RBFOX1: variants seen among roughly 807,000 people sequenced by gnomAD.
RBFOX1 encodes the protein RNA binding protein fox-1 homolog 1.
A neutral mutation model predicts 57.7 loss-of-function variants in RBFOX1; 8 were observed. The ratio of observed to expected loss-of-function variants is 0.14; its 90% CI spans 0.08 to 0.25. The LOEUF (loss-of-function observed/expected upper bound fraction) is 0.25, where lower values mean the gene tolerates loss of function less well. Among genes scored for constraint, RBFOX1 ranks in the 10% least tolerant of loss-of-function variants. The probability of loss-of-function intolerance (pLI) is 1.00; values close to 1 mark genes in which losing one functional copy is unlikely to be tolerated. For missense variants in RBFOX1, 611 were observed against 548.5 expected (o/e 1.11, Z -1.14); for synonymous variants, 326 against 222.4 (o/e 1.47, Z -4.15).
intron 4 of RBFOX1, among the ~76,000 whole-genome samples, chr16:7,324,229 G>A (rs1045109755): frequency 2.4e-4 from 37 of 152,096 alleles, no homozygotes; most frequent in Admixed American, 9.2e-4. Flanking sequence ...AGCACACTTA[G>A]CTTCTAAAGA....
At chr16:7,011,142 A>G (rs1318215213) in intron 3 of RBFOX1, among the ~76,000 whole-genome samples, 2 of 152,018 alleles carry the variant, frequency 1.3e-5, no homozygotes, top group East Asian at 1.9e-4. Context: ...TACATAGTTG[A>G]AAAGTCAAAA....
chr16:6,023,049 G>A (rs907452880), intron 1 of RBFOX1, among the ~76,000 whole-genome samples: 1 of 152,210 alleles, frequency 6.6e-6, no homozygotes, highest in African/African-American at 2.4e-5. Flanking sequence ...AGGGTCTCAG[G>A]GGCCAGGGAA....
intron 4 of RBFOX1, among the ~76,000 whole-genome samples, chr16:7,193,315 A>T (rs1193915416): frequency 6.6e-6 from 1 of 152,232 alleles, no homozygotes; most frequent in African/African-American, 2.4e-5. Context: ...GCTAGAGTCT[A>T]GAAAAGGCAA....
intron 2 of RBFOX1, among the ~76,000 whole-genome samples, chr16:6,366,250 G>T (rs1181911616): frequency 6.6e-6 from 1 of 152,042 alleles, no homozygotes. Flanking sequence ...TGTATATCTG[G>T]AAGGTATATA....
chr16:7,632,651 G>A (rs139071928), intron 11 of RBFOX1, among the ~76,000 whole-genome samples: 1 of 152,148 alleles, frequency 6.6e-6, no homozygotes, highest in Non-Finnish European at 1.5e-5. Context: ...GAGAGTTGGT[G>A]TGCCAAAACT....
intron 4 of RBFOX1, among the ~76,000 whole-genome samples, chr16:7,228,560 G>C (rs188466637): frequency 4.6e-5 from 7 of 152,318 alleles, no homozygotes; most frequent in Admixed American, 3.9e-4. Context: ...AACCAGAGAA[G>C]TGAAGGAATT....
chr16:6,732,160 A>AT (rs1169323324), intron 3 of RBFOX1, among the ~76,000 whole-genome samples: 2 of 152,118 alleles, frequency 1.3e-5, no homozygotes, highest in Non-Finnish European at 2.9e-5. Flanking sequence ...TATACATCTG[A>AT]TCCCTCCATC....
intron 4 of RBFOX1, among the ~76,000 whole-genome samples, chr16:7,444,304 C>T (rs536581927): frequency 2.0e-4 from 31 of 152,056 alleles, no homozygotes; most frequent in Non-Finnish European, 2.9e-4. Context: ...GAACAGAGTC[C>T]CTAGGATTGT....
At chr16:7,463,512 A>C (rs1369301829) in intron 4 of RBFOX1, among the ~76,000 whole-genome samples, 2 of 150,172 alleles carry the variant, frequency 1.3e-5, no homozygotes, top group Non-Finnish European at 2.9e-5. Context: ...TCAAAAAAAC[A>C]AAAAAAGGTA....
intron 4 of RBFOX1, among the ~76,000 whole-genome samples, chr16:7,144,158 AT>A (rs2152169608): frequency 6.6e-6 from 1 of 152,250 alleles, no homozygotes; most frequent in South Asian, 2.1e-4. Context: ...TGCAAAAATG[AT>A]TGTTTAAGAA....
chr16:7,627,035 G>T (rs893970950), intron 10 of RBFOX1, among the ~76,000 whole-genome samples: 1 of 151,778 alleles, frequency 6.6e-6, no homozygotes, highest in African/African-American at 2.4e-5. Flanking sequence ...CATAGTGTAG[G>T]TAATAACTAA....
At position 7,370,033 on chromosome 16, in the gene RBFOX1, T is replaced by C. The variant is rs558141065; in HGVS notation, c.28-148114T>C. Among the ~76,000 whole-genome samples the C allele has an allele frequency of 2.0e-5, 3 of 152,346 alleles. No homozygotes were observed. In the East Asian group the frequency reaches 5.8e-4, roughly 29 times the overall value. On this transcript the variant is annotated intron_variant, in intron 4 of 15. Transcript: ENST00000550418. ...TTTTTAATTACTCTAAGTCAGCTTC[T>C]GAACCTTGAGACTATTGACATTTTC...
At chr16:5,709,069 G>A (rs12447100) in intron 3 of RBFOX1, among the ~76,000 whole-genome samples, 32,334 of 152,068 alleles carry the variant, frequency 0.21, 4,541 homozygotes, top group East Asian at 0.63. Context: ...AATAGATCCC[G>A]TGAGTCATCA....
chr16:6,413,576 C>G (rs531968629), intron 2 of RBFOX1, among the ~76,000 whole-genome samples: 2 of 152,016 alleles, frequency 1.3e-5, no homozygotes, highest in East Asian at 3.9e-4. Context: ...GGTTTTTATT[C>G]TCATAATCGG....
intron 2 of RBFOX1, among the ~76,000 whole-genome samples, chr16:6,585,356 G>A (rs915830883): frequency 1.3e-5 from 2 of 152,258 alleles, no homozygotes; most frequent in South Asian, 2.1e-4. Context: ...TGCTGTTATA[G>A]TCTCCAAAAC....
intron 3 of RBFOX1, among the ~76,000 whole-genome samples, chr16:7,050,028 C>G (rs1598099676): frequency 6.6e-6 from 1 of 152,136 alleles, no homozygotes. Flanking sequence ...TTAACCCAGT[C>G]CTCTGGCAAC....
chr16:6,461,554 C>T (rs1409268893), intron 2 of RBFOX1, among the ~76,000 whole-genome samples: 2 of 152,198 alleles, frequency 1.3e-5, no homozygotes, highest in Non-Finnish European at 2.9e-5. Flanking sequence ...CCAACCATAA[C>T]ACTTGTGTGG....
intron 2 of RBFOX1, among the ~76,000 whole-genome samples, chr16:6,460,742 C>G (rs1027976164): frequency 1.3e-5 from 2 of 150,798 alleles, no homozygotes; most frequent in African/African-American, 4.9e-5. Flanking sequence ...AATCCCATTA[C>G]TGGGTATATA....
chr16:5,416,724 C>T (rs2067169900), intron 1 of RBFOX1, among the ~76,000 whole-genome samples: 2 of 150,806 alleles, frequency 1.3e-5, no homozygotes, highest in Non-Finnish European at 1.5e-5. Flanking sequence ...TTCTCTGTAT[C>T]TCCTCTTTTG....
Sources: gnomAD v4.1 joint callset for allele counts (sites outside exome capture counted in the v4.1 genomes callset) on GRCh38, gnomAD v4.1.1 for gene constraint, MANE v1.5 for transcripts, NCBI Gene and HGNC (gene_info 2026-07-23, HGNC 2026-07-21) for gene names.